Variants in TMEM269 observed in about 807,000 individuals in gnomAD.
TMEM269 encodes transmembrane protein 269.
A neutral mutation model predicts 15.8 loss-of-function variants in TMEM269; 12 were observed. The observed-to-expected ratio is 0.76, with a 90% CI of 0.49 to 1.23. TMEM269 has a LOEUF of 1.23. TMEM269 is among the 50% of genes most tolerant of loss of function. The pLI, the probability that TMEM269 is intolerant of heterozygous loss-of-function variation, is 0.00. For synonymous variants in TMEM269, 93 were observed against 99.3 expected (o/e 0.94, Z 0.38); for missense variants, 211 against 245.4 (o/e 0.86, Z 0.94).
intron 2 of TMEM269, among the ~76,000 whole-genome samples, chr1:42,791,298 TC>T (rs1272992993): frequency 1.3e-5 from 2 of 152,146 alleles, no homozygotes; most frequent in Non-Finnish European, 2.9e-5. Context: ...TACACATTCT[TC>T]TCAAACTCAC....
chr1:42,791,957 G>A (rs996569532), intron 2 of TMEM269, among the ~76,000 whole-genome samples: 1 of 152,066 alleles, frequency 6.6e-6, no homozygotes, highest in African/African-American at 2.4e-5. Flanking sequence ...AGTGGAGATC[G>A]TGCCACTGCA....
chr1:42,792,731 G>C (rs1238665203), intron 2 of TMEM269, 74 bp from the exon 3 acceptor site: 2 of 844,322 alleles, frequency 2.4e-6, no homozygotes, highest in Middle Eastern at 2.3e-4. Flanking sequence ...ATATACTAAT[G>C]GGGGGCAGGG....
chr1:42,790,009 G>A (rs1570504017), intron 2 of TMEM269, 75 bp downstream of exon 2: 2 of 1,156,926 alleles, frequency 1.7e-6, no homozygotes, highest in East Asian at 2.6e-5. Context: ...GGAGAGTTTG[G>A]AGAGCAGGCA....
rs777708489 is a variant in TMEM269 at position 42,789,789 on chromosome 1, G to A, written c.-98-7G>A. ...GGAACCCTTCGCCCCTCTCTCTTGG[G>A]CCCCAGGTAAGGGTACCAGTTTCTT... On this transcript the variant is annotated splice_polypyrimidine_tract_variant and splice_region_variant and intron_variant, in intron 1 of 5. Transcript: ENST00000637012. 12 of 1,456,882 alleles carry A rather than the reference G, an allele frequency of 8.2e-6. No individual in the cohort carries two copies. Among genetic ancestry groups the A allele is most frequent in the Non-Finnish European group, 1.0e-5 (11 of 1,061,434 alleles). The allele number at this position is 1,456,882 out of a possible 1,614,324, so 90.2% of individuals were successfully genotyped here.
At chr1:42,791,260 A>G (rs975368110) in intron 2 of TMEM269, among the ~76,000 whole-genome samples, 11 of 152,226 alleles carry the variant, frequency 7.2e-5, no homozygotes, top group African/African-American at 2.7e-4. Flanking sequence ...ATGGACATCT[A>G]TAGAGTACTT....
intron 3 of TMEM269, among the ~76,000 whole-genome samples, 184 bp downstream of exon 3, chr1:42,793,086 A>G (rs1410234948): frequency 6.6e-6 from 1 of 152,192 alleles, no homozygotes; most frequent in East Asian, 1.9e-4. Context: ...GTCCAGCTCC[A>G]GCTCCTCTGC....
intron 4 of TMEM269, 96 bp from the exon 5 acceptor site, chr1:42,794,317 C>A: frequency 1.2e-6 from 1 of 862,298 alleles, no homozygotes; most frequent in Non-Finnish European, 1.8e-6. Context: ...ATATTGTATC[C>A]TGGGTAGGGG....
In TMEM269 at chr1:42,793,509, T is replaced by C. The variant is rs1653737387; in HGVS notation, c.140-92T>C. On this transcript the variant is annotated intron_variant, in intron 3 of 5. Coordinates refer to ENST00000637012, the MANE Select transcript of TMEM269 (RefSeq NM_001354602.2). ...TTGCTTTCTGTGACCTCAGGACCCC[T>C]CTTATCACTACCCCAGCTCCCCTAC... is the stretch of plus-strand genomic sequence containing the variant. 3.7e-6 allele frequency: 5 copies of C among 1,348,352 alleles called. No individual in the cohort carries two copies. The East Asian group carries it at 1.3e-4, about 35-fold the overall frequency. 83.5% of individuals were successfully genotyped at this position (1,348,352 alleles called of 1,614,324 possible).
rs1175717216 is a variant in TMEM269, at chr1:42,794,336, AAG to A, written c.284-70_284-69del. The A allele has an allele frequency of 5.0e-5, 57 of 1,136,278 alleles. No homozygotes were observed. In the South Asian group the frequency reaches 7.3e-4, roughly 14 times the overall value. 70.4% of individuals were successfully genotyped at this position (1,136,278 alleles called of 1,614,324 possible). A position where few individuals can be genotyped will look rare whatever the true frequency, so the allele number is the denominator to read the frequency against. ...TGTATCCTGGGTAGGGGAATACCCA[AAG>A]AGAGAGGGGCTTGCTTCATTTTGGT... On this transcript the variant is annotated intron_variant, in intron 4 of 5. Transcript: ENST00000637012.
At chr1:42,787,569 C>A (rs1032990715) in intron 1 of TMEM269, among the ~76,000 whole-genome samples, 11 of 128,006 alleles carry the variant, frequency 8.6e-5, no homozygotes, top group African/African-American at 3.3e-4. Flanking sequence ...CACTGCAGTC[C>A]GCAGTCCGGC....
rs940358604 is a variant in TMEM269 at position 42,800,782 on chromosome 1, C to G, written c.*2557C>G. ...AAAACACCTAGAATAATGAATGGCA[C>G]GTAAAATATGTTAAATAAATGTTAG... is the stretch of plus-strand genomic sequence containing the variant. On this transcript the variant is annotated 3_prime_UTR_variant, in exon 6 of 6. Transcript: ENST00000637012. The G allele has an allele frequency of 6.6e-6, 1 of 152,068 alleles. No homozygotes were observed. Among genetic ancestry groups the G allele is most frequent in the African/African-American group, 2.4e-5 (1 of 41,396 alleles). 9.4% of individuals were successfully genotyped at this position (152,068 alleles called of 1,614,324 possible).
chr1:42,794,610 G>A lies in TMEM269; in HGVS notation c.481G>A (p.Gly161Arg). 1 of 1,549,298 alleles carries A rather than the reference G, an allele frequency of 6.5e-7. No individual in the cohort carries two copies. Among genetic ancestry groups the A allele is most frequent in the African/African-American group, 1.4e-5 (1 of 73,116 alleles). Residue 161 changes from glycine (G) to arginine (R), a missense_variant, in exon 5 of 6, where the codon GGA becomes AGA. Transcript: ENST00000637012. ...GAACTGGAAAAAATTGGTTTATATA[G>A]GAGGTGAGTGAAAATGTCACTATGG... The part of the protein sequence containing the change: ...SENWKKLVYI[G>R]GVIMLFFSPL...
chr1:42,789,401 C>T, intron 1 of TMEM269: 1 of 1,531,986 alleles, frequency 6.5e-7, no homozygotes. Context: ...CTCAAGCCAA[C>T]CCTTCGTCAG....
intron 5 of TMEM269, 89 bp downstream of exon 5, chr1:42,794,702 T>G: frequency 1.1e-6 from 1 of 918,768 alleles, no homozygotes; most frequent in South Asian, 1.5e-5. Flanking sequence ...TCTCTCTTAT[T>G]CTGCTTTATT....
chr1:42,787,102 G>C (rs189465752), intron 1 of TMEM269, among the ~76,000 whole-genome samples: 55 of 152,276 alleles, frequency 3.6e-4, no homozygotes, highest in Middle Eastern at 3.4e-3. Flanking sequence ...TGATGGTAGG[G>C]ACCAAGGTTT....
intron 5 of TMEM269, among the ~76,000 whole-genome samples, chr1:42,795,196 G>A (rs1386460564): frequency 2.6e-5 from 4 of 152,160 alleles, no homozygotes; most frequent in African/African-American, 9.7e-5. Flanking sequence ...GGTGGGGATG[G>A]GGAGGTTCAG....
chr1:42,791,776 C>T (rs931904900), intron 2 of TMEM269, among the ~76,000 whole-genome samples: 6 of 152,118 alleles, frequency 3.9e-5, no homozygotes, highest in East Asian at 1.9e-4. Context: ...CTGAGGCCGG[C>T]GGATCACTTG....
In TMEM269 at chr1:42,793,410, C is replaced by A. The variant is rs532387086; in HGVS notation, c.140-191C>A. Among the ~76,000 whole-genome samples, 4 of 152,286 alleles carry A rather than the reference C, an allele frequency of 2.6e-5. No individual in the cohort carries two copies. The South Asian group carries it at 8.3e-4, about 32-fold the overall frequency. On this transcript the variant is annotated intron_variant, in intron 3 of 5. Coordinates refer to ENST00000637012, the MANE Select transcript of TMEM269 (RefSeq NM_001354602.2). ...TGAGGGGGAGATACTTGCCCAAGGCCACCGGCCAGCGCAAGGCAGAGCCAG... is the reference window on the plus strand; with the variant it reads ...TGAGGGGGAGATACTTGCCCAAGGCAACCGGCCAGCGCAAGGCAGAGCCAG...
chr1:42,793,497 C>A, intron 3 of TMEM269, 104 bp from the exon 4 acceptor site: 3 of 1,186,846 alleles, frequency 2.5e-6, no homozygotes, highest in Non-Finnish European at 3.5e-6. Flanking sequence ...CTTTCTGTGA[C>A]CTCAGGACCC....
Sources: gnomAD v4.1 joint callset for allele counts (sites outside exome capture counted in the v4.1 genomes callset) on GRCh38, gnomAD v4.1.1 for gene constraint, MANE v1.5 for transcripts, NCBI Gene and HGNC (gene_info 2026-07-23, HGNC 2026-07-21) for gene names.